The following ERC2 variants were observed in gnomAD, a reference collection of about 807,000 sequenced individuals.
ERC2 encodes the protein ERC protein 2.
ERC2 carries 42 observed loss-of-function variants against 114.8 expected under a neutral mutation model. That is an observed-to-expected ratio of 0.37 (90% CI 0.29 to 0.47). The LOEUF (loss-of-function observed/expected upper bound fraction) is 0.47. Among genes scored for constraint, ERC2 ranks in the 20% least tolerant of loss-of-function variants. The pLI, the probability that ERC2 is intolerant of heterozygous loss-of-function variation, is 0.99. For synonymous variants in ERC2, 454 were observed against 425.5 expected, an observed-to-expected ratio of 1.07 and a Z score of -0.82; for missense variants, 939 against 1,150.7, an observed-to-expected ratio of 0.82 and a Z score of 2.66.
chr3:56,459,354 C>T (rs1323633783), intron 1 of ERC2, among the ~76,000 whole-genome samples: 1 of 152,200 alleles, frequency 6.6e-6, no homozygotes, highest in African/African-American at 2.4e-5. Flanking sequence ...CATTCAAGCT[C>T]TTGTCTTCTG....
At position 56,364,050 on chromosome 3, in the gene ERC2, C is replaced by A. The variant is rs111650307; in HGVS notation, c.658-67615G>T. ...CTCCGTGGCCTAGCCTCTGCCTAAC[C>A]AAGTTCATTCTCATAATATGCTGCT... is the stretch of plus-strand genomic sequence containing the variant. On this transcript the variant is annotated intron_variant, in intron 2 of 17. Coordinates refer to ENST00000288221, the MANE Select transcript of ERC2 (RefSeq NM_015576.3). 4.3e-3 allele frequency among the ~76,000 whole-genome samples: 659 copies of A among 152,298 alleles called. 3 individuals carry two copies. The highest frequency in any genetic ancestry group is 0.015 in the African/African-American group (610 of 41,556).
intron 5 of ERC2, among the ~76,000 whole-genome samples, chr3:56,141,253 T>C (rs1293025736): frequency 1.3e-5 from 2 of 152,146 alleles, no homozygotes; most frequent in African/African-American, 2.4e-5. Flanking sequence ...TCCTCACAAC[T>C]AGAGCTGAAG....
At chr3:56,112,422 AAGAC>A (rs1401543628) in intron 6 of ERC2, among the ~76,000 whole-genome samples, 2 of 108,782 alleles carry the variant, frequency 1.8e-5, no homozygotes, top group South Asian at 3.7e-4. Context: ...TGAGTGAGAA[AAGAC>A]AGACAGACAC....
At chr3:56,000,155 T>C (rs539277700) in intron 10 of ERC2, among the ~76,000 whole-genome samples, 2 of 152,128 alleles carry the variant, frequency 1.3e-5, no homozygotes, top group African/African-American at 4.8e-5. Context: ...GATAATTAGT[T>C]GATAATTTAG....
At chr3:56,439,609 T>A (rs1014975494) in intron 1 of ERC2, among the ~76,000 whole-genome samples, 1 of 151,964 alleles carries the variant, frequency 6.6e-6, no homozygotes, top group African/African-American at 2.4e-5. Context: ...TCCAGTCTTA[T>A]TGGCATTGCT....
chr3:55,987,125 C>G (rs148368117), intron 11 of ERC2, among the ~76,000 whole-genome samples: 1 of 152,108 alleles, frequency 6.6e-6, no homozygotes, highest in Non-Finnish European at 1.5e-5. Context: ...ATTAACCACA[C>G]GGGGAAAGTG....
chr3:55,709,894 G>C (rs1398652670), intron 15 of ERC2, among the ~76,000 whole-genome samples: 3 of 152,188 alleles, frequency 2.0e-5, no homozygotes, highest in Non-Finnish European at 2.9e-5. Flanking sequence ...CAGGCCCTTG[G>C]AGGGGGAACA....
intron 2 of ERC2, among the ~76,000 whole-genome samples, chr3:56,371,723 C>A (rs1328153850): frequency 6.6e-6 from 1 of 152,226 alleles, no homozygotes; most frequent in Non-Finnish European, 1.5e-5. Context: ...CTATTAATAT[C>A]CCCTCCCTTG....
intron 2 of ERC2, among the ~76,000 whole-genome samples, chr3:56,387,275 T>C (rs1214026811): frequency 6.6e-6 from 1 of 152,196 alleles, no homozygotes; most frequent in East Asian, 1.9e-4. Flanking sequence ...TTATTATTGT[T>C]ATAGAGCCCC....
intron 14 of ERC2, among the ~76,000 whole-genome samples, chr3:55,761,974 T>C (rs1346178760): frequency 8.9e-6 from 1 of 111,938 alleles, no homozygotes; most frequent in African/African-American, 3.5e-5. Context: ...CTCCCTCCCT[T>C]CCTCTCTCTC....
intron 14 of ERC2, among the ~76,000 whole-genome samples, chr3:55,875,957 G>A (rs1182707544): frequency 6.6e-6 from 1 of 152,138 alleles, no homozygotes; most frequent in Non-Finnish European, 1.5e-5. Context: ...GGAAGGAAAA[G>A]AAGAAACAGG....
chr3:56,168,131 C>A (rs944490307), intron 4 of ERC2, among the ~76,000 whole-genome samples: 2 of 152,184 alleles, frequency 1.3e-5, no homozygotes, highest in Non-Finnish European at 2.9e-5. Flanking sequence ...ATCTCAGCTG[C>A]CAATCTGACT....
chr3:56,352,797 C>G (rs1049757399), intron 2 of ERC2, among the ~76,000 whole-genome samples: 3 of 152,192 alleles, frequency 2.0e-5, no homozygotes, highest in African/African-American at 7.2e-5. Context: ...ACTTTGCAGA[C>G]TGCCAGACTG....
At chr3:56,193,030 G>A (rs1413139910) in intron 3 of ERC2, among the ~76,000 whole-genome samples, 1 of 152,116 alleles carries the variant, frequency 6.6e-6, no homozygotes, top group Non-Finnish European at 1.5e-5. Context: ...TCTCCTTTGT[G>A]TATAACTGTT....
intron 3 of ERC2, among the ~76,000 whole-genome samples, chr3:56,270,786 T>C (rs946029560): frequency 2.0e-5 from 3 of 152,190 alleles, no homozygotes; most frequent in African/African-American, 7.2e-5. Flanking sequence ...GAGACCATCC[T>C]GTCTAACACA....
chr3:55,701,123 T>C (rs760994172), intron 15 of ERC2, among the ~76,000 whole-genome samples: 22 of 152,202 alleles, frequency 1.4e-4, no homozygotes, highest in African/African-American at 5.1e-4. Flanking sequence ...TATTATGTAA[T>C]ATAAATAATA....
At position 56,187,718 on chromosome 3, in the gene ERC2, G is replaced by T. The variant is rs141846826; in HGVS notation, c.1075-14198C>A. The stretch of plus-strand genomic sequence containing the variant: ...AGTTAAAAATTGTAAATGTATACAG[G>T]TAATAAGTGCTTTACAAACAACAGC... On this transcript the variant is annotated intron_variant, in intron 3 of 17. Coordinates refer to ENST00000288221, the MANE Select transcript of ERC2 (RefSeq NM_015576.3). 1.2e-3 allele frequency among the ~76,000 whole-genome samples: 190 copies of T among 152,252 alleles called. 1 individual carries two copies. The East Asian group carries it at 0.033, about 26-fold the overall frequency.
At position 56,081,002 on chromosome 3, in the gene ERC2, A is replaced by G; in HGVS notation, c.1474-18T>C. On this transcript the variant is annotated intron_variant, in intron 6 of 17. Coordinates refer to ENST00000288221, the MANE Select transcript of ERC2 (RefSeq NM_015576.3). ...GCATCTACCTGAAATCAGGAAAAAG[A>G]CAGAAGGTTGTGGTTTTACAGAAAG... 6.2e-7 allele frequency: 1 copy of G among 1,609,926 alleles called. No homozygotes were observed. Among genetic ancestry groups the G allele is most frequent in the African/African-American group, 1.3e-5 (1 of 74,650 alleles).
intron 6 of ERC2, among the ~76,000 whole-genome samples, chr3:56,084,154 A>G (rs1356273177): frequency 2.6e-5 from 4 of 152,228 alleles, no homozygotes; most frequent in African/African-American, 7.2e-5. Context: ...AATCAAAACT[A>G]CAGTGAGAAT....
Sources: allele counts gnomAD v4.1 joint callset (sites outside exome capture counted in the v4.1 genomes callset), GRCh38; gene constraint gnomAD v4.1.1; transcripts MANE v1.5; gene names NCBI Gene and HGNC (gene_info 2026-07-23, HGNC 2026-07-21).